The following PTPRS variants were observed in gnomAD, a reference collection of about 807,000 sequenced individuals.
The protein encoded by PTPRS is protein tyrosine phosphatase receptor type S.
Under a neutral mutation model 215.3 loss-of-function variants are expected in PTPRS, and 63 were observed. The observed-to-expected ratio is 0.29, with a 90% CI of 0.24 to 0.36. The LOEUF is 0.36. Among genes scored for constraint, PTPRS ranks in the 10% least tolerant of loss-of-function variants. The pLI, the probability that PTPRS is intolerant of heterozygous loss-of-function variation, is 1.00. For synonymous variants in PTPRS, 1,404 were observed against 1,191.4 expected (o/e 1.18, Z -3.68); for missense variants, 2,258 against 2,825.8 (o/e 0.80, Z 4.56).
At chr19:5,262,738 T>C (rs1175969738) in intron 6 of PTPRS, among the ~76,000 whole-genome samples, 1 of 151,734 alleles carries the variant, frequency 6.6e-6, no homozygotes, top group Non-Finnish European at 1.5e-5. Flanking sequence ...TTGTCTCTTT[T>C]CCTCTTTTCC....
rs139748186 is a variant in PTPRS at position 5,279,378 on chromosome 19, A to C, written c.92-5034T>G. ...TATTTTATTTTTTCTTCTTCTTCTT[A>C]TTTTTTTTTACAGAGACAGGGTCTC... On this transcript the variant is annotated intron_variant, in intron 2 of 37. Coordinates refer to ENST00000262963, the MANE Select transcript of PTPRS (RefSeq NM_002850.4). Among the ~76,000 whole-genome samples, 791 of 149,012 alleles carry C rather than the reference A, an allele frequency of 5.3e-3. 9 individuals are homozygous for C. The highest frequency in any genetic ancestry group is 0.019 in the African/African-American group (761 of 40,682).
At chr19:5,312,788 T>C (rs1302187347) in intron 1 of PTPRS, among the ~76,000 whole-genome samples, 1 of 152,206 alleles carries the variant, frequency 6.6e-6, no homozygotes, top group Admixed American at 6.5e-5. Context: ...TGAATTCGAA[T>C]TGTCTCCATT....
intron 37 of PTPRS, among the ~76,000 whole-genome samples, chr19:5,207,528 C>T (rs1009589286): frequency 6.6e-6 from 1 of 152,226 alleles, no homozygotes; most frequent in Admixed American, 6.5e-5. Context: ...TCTTTTAAGA[C>T]ATGGCTGCTG....
chr19:5,267,711 G>GC (rs1277561767), intron 4 of PTPRS, among the ~76,000 whole-genome samples: 232 of 134,474 alleles, frequency 1.7e-3, no homozygotes, highest in Non-Finnish European at 2.4e-3. Flanking sequence ...TAATAACCGT[G>GC]CCCCCCCGCC....
chr19:5,322,780 G>A (rs1600122823), intron 1 of PTPRS, among the ~76,000 whole-genome samples: 2 of 151,166 alleles, frequency 1.3e-5, no homozygotes, highest in Admixed American at 1.3e-4. Flanking sequence ...TCGAGAGGCT[G>A]AGGCAGGAGA....
In PTPRS at chr19:5,273,467, G is replaced by A. The variant is rs114262756; in HGVS notation, c.354C>T (p.Val118=). ...CTCGGAGGACAGTAAGCTTGGCATG[G>A]ACTGTGATCTCCCCAACCGAGTTCT... The part of the protein sequence containing the change: ...VAQNSVGEIT[V]HAKLTVLRED... The change falls in exon 4 of 38, where the codon GTC becomes GTT. Residue 118 remains valine (V), a synonymous_variant. Coordinates refer to ENST00000262963, the MANE Select transcript of PTPRS (RefSeq NM_002850.4). 1.1e-5 allele frequency: 17 copies of A among 1,614,198 alleles called. No individual in the cohort carries two copies. In the East Asian group the frequency reaches 3.8e-4, roughly 36 times the overall value.
At chr19:5,330,574 C>T (rs2050292065) in intron 1 of PTPRS, among the ~76,000 whole-genome samples, 2 of 152,224 alleles carry the variant, frequency 1.3e-5, no homozygotes, top group South Asian at 2.1e-4. Context: ...TCCTCCTGTG[C>T]ACCTTGGGCT....
In PTPRS at chr19:5,231,635, C is replaced by T. The variant is rs772582157; in HGVS notation, c.1850-20G>A. 7.8e-4 allele frequency: 221 copies of T among 284,150 alleles called. 1 individual carries two copies. Among genetic ancestry groups the T allele is most frequent in the Non-Finnish European group, 9.9e-4 (173 of 174,656 alleles). The allele number at this position is 284,150 out of a possible 1,614,324, so 17.6% of individuals were successfully genotyped here. On this transcript the variant is annotated intron_variant, in intron 13 of 37. Transcript: ENST00000262963. ...ACGGTTCTATTGGAGGGGGGGAGAA[C>T]GTGGGGGGGTGGGGAAGGGAGGTGG...
Position 5,229,548 on chromosome 19 carries a change from C to A in PTPRS, c.2292G>T (p.Glu764Asp). 1 of 1,465,780 alleles carries A rather than the reference C, an allele frequency of 6.8e-7. No individual in the cohort carries two copies. The highest frequency in any genetic ancestry group is 9.0e-7 in the Non-Finnish European group (1 of 1,110,914). The allele number at this position is 1,465,780 out of a possible 1,614,324, so 90.8% of individuals were successfully genotyped here. The change falls in exon 15 of 38, where the codon GAG (glutamate) becomes GAT (aspartate). Residue 764 changes from glutamate (E) to aspartate (D), a missense_variant. Glu to Asp is a conservative substitution (Grantham distance 45). Coordinates refer to ENST00000262963, the MANE Select transcript of PTPRS (RefSeq NM_002850.4). ...GCGGCGGCCCGCGGGCCTCGGCGCC[C>A]TCCATGCGCACGTAGTGGACCTGGT... ...RGYQVHYVRMEGAEARGPPRI... is the reference protein window; with the variant it reads ...RGYQVHYVRMDGAEARGPPRI...
chr19:5,209,982 G>A (rs116857431), intron 35 of PTPRS, among the ~76,000 whole-genome samples: 34 of 152,122 alleles, frequency 2.2e-4, no homozygotes, highest in African/African-American at 8.0e-4. Flanking sequence ...CTTCCACTAT[G>A]AGTCTTCATC....
chr19:5,251,403 C>G (rs1682916682), intron 9 of PTPRS, among the ~76,000 whole-genome samples: 1 of 150,840 alleles, frequency 6.6e-6, no homozygotes, highest in African/African-American at 2.4e-5. Flanking sequence ...GTATTTTGAG[C>G]TGGACCTTTG....
chr19:5,329,278 A>AG (rs1433481162), intron 1 of PTPRS, among the ~76,000 whole-genome samples: 1 of 151,974 alleles, frequency 6.6e-6, no homozygotes, highest in Non-Finnish European at 1.5e-5. Context: ...GAGGAGTCTG[A>AG]GGGTGCCATC....
intron 11 of PTPRS, 40 bp from the exon 12 acceptor site, chr19:5,240,372 T>C (rs2145877604): frequency 6.5e-7 from 1 of 1,537,372 alleles, no homozygotes; most frequent in Non-Finnish European, 8.8e-7. Flanking sequence ...TCGGGGAGCG[T>C]CCACCCCACA....
rs1299321491 is a variant in PTPRS, at chr19:5,205,733, T to C, written c.*1041A>G. 6.6e-6 allele frequency among the ~76,000 whole-genome samples: 1 copy of C among 152,068 alleles called. No individual in the cohort carries two copies. The highest frequency in any genetic ancestry group is 1.5e-5 in the Non-Finnish European group (1 of 68,002). ...AGTCCCAGGGGGAAAGGGTCCCTGA[T>C]GTGGGGCAGCACAGCCATACAGCCA... On this transcript the variant is annotated 3_prime_UTR_variant, in exon 38 of 38. Coordinates refer to ENST00000262963, the MANE Select transcript of PTPRS (RefSeq NM_002850.4).
At chr19:5,284,416 TAA>T (rs775455834) in intron 2 of PTPRS, among the ~76,000 whole-genome samples, 2 of 88,636 alleles carry the variant, frequency 2.3e-5, no homozygotes, top group African/African-American at 7.4e-5. Context: ...AATAAATAAA[TAA>T]AAATTAGCCA....
At chr19:5,262,998 G>T in intron 5 of PTPRS, 26 bp from the exon 6 acceptor site, 1 of 1,308,988 alleles carries the variant, frequency 7.6e-7, no homozygotes, top group Non-Finnish European at 1.0e-6. Flanking sequence ...AGGAGGATAA[G>T]AAAAGAGAAC....
chr19:5,238,471 G>A (rs1464840023), intron 13 of PTPRS, among the ~76,000 whole-genome samples: 2 of 152,150 alleles, frequency 1.3e-5, no homozygotes, highest in Non-Finnish European at 2.9e-5. Context: ...AGGTGGGTTC[G>A]TCTCTGTGTC....
chr19:5,236,849 G>GAAA lies in PTPRS; in HGVS notation c.1849+2067_1849+2069dup, dbSNP rs1555768237. On this transcript the variant is annotated intron_variant, in intron 13 of 37. Transcript: ENST00000262963. ...CGGGGAATCAGGCAGGGAGCAGGGG[G>GAAA]AAAAAAAAAAAAAAAACAACAATCA... Among the ~76,000 whole-genome samples the GAAA allele has an allele frequency of 5.3e-4, 68 of 128,208 alleles. 2 individuals are homozygous for GAAA. Among genetic ancestry groups the GAAA allele is most frequent in the African/African-American group, 1.5e-3 (49 of 32,068 alleles). 84.1% of individuals were successfully genotyped at this position (128,208 alleles called of 152,430 possible). A position where few individuals can be genotyped will look rare whatever the true frequency, so the allele number is the denominator to read the frequency against.
Position 5,206,060 on chromosome 19 carries a change from TAAAAAAAA to T in PTPRS, c.*706_*713del, listed in dbSNP as rs545658474. On this transcript the variant is annotated 3_prime_UTR_variant, in exon 38 of 38. Transcript: ENST00000262963. Reference sequence around the variant, plus strand: ...CACACTTTCTGATGGTAGGAAAAATTAAAAAAAAAAAAAAAAAAAAAAAAGCCAAGGTA... The same window carrying T: ...CACACTTTCTGATGGTAGGAAAAATTAAAAAAAAAAAAAAAAGCCAAGGTA... Among the ~76,000 whole-genome samples the T allele has an allele frequency of 2.0e-4, 14 of 70,268 alleles. 1 individual carries two copies. Among genetic ancestry groups the T allele is most frequent in the African/African-American group, 3.7e-4 (7 of 18,972 alleles). 46.1% of individuals were successfully genotyped at this position (70,268 alleles called of 152,430 possible).
Sources: allele counts gnomAD v4.1 joint callset (sites outside exome capture counted in the v4.1 genomes callset), GRCh38; gene constraint gnomAD v4.1.1; transcripts MANE v1.5; gene names NCBI Gene and HGNC (gene_info 2026-07-23, HGNC 2026-07-21).